Variants in PTPN14 observed in about 807,000 individuals in gnomAD.
The protein encoded by PTPN14 is tyrosine-protein phosphatase non-receptor type 14.
PTPN14 carries 53 observed loss-of-function variants against 126.8 expected under a neutral mutation model. The ratio of observed to expected loss-of-function variants is 0.42; its 90% CI spans 0.34 to 0.53. The LOEUF is 0.53. PTPN14 is among the 20% of genes least tolerant of loss of function. The pLI, the probability that PTPN14 is intolerant of heterozygous loss-of-function variation, is 0.08. For synonymous variants in PTPN14, 630 were observed against 599.3 expected (o/e 1.05, Z -0.75); for missense variants, 1,257 against 1,552.9 (o/e 0.81, Z 3.20).
Position 214,361,967 on chromosome 1 carries a change from G to T in PTPN14, c.3435+2545C>A, listed in dbSNP as rs187647397. Among the ~76,000 whole-genome samples, 4 of 152,288 alleles carry T rather than the reference G, an allele frequency of 2.6e-5. No homozygotes were observed. The East Asian group carries it at 7.7e-4, about 29-fold the overall frequency. ...AGGGACAAGTCCAGGAAAAAGAAAG[G>T]CCATTTCATTGACAGAATTAAAACT... On this transcript the variant is annotated intron_variant, in intron 18 of 18. Transcript: ENST00000366956.
At chr1:214,409,944 A>G (rs559686632) in intron 5 of PTPN14, among the ~76,000 whole-genome samples, 1 of 152,230 alleles carries the variant, frequency 6.6e-6, no homozygotes, top group East Asian at 1.9e-4. Context: ...GGCCTTCTGT[A>G]TATTTCTTTT....
chr1:214,526,258 G>A (rs756878748), intron 1 of PTPN14, among the ~76,000 whole-genome samples: 13 of 152,124 alleles, frequency 8.5e-5, no homozygotes, highest in Non-Finnish European at 1.8e-4. Flanking sequence ...GAGCCACCAC[G>A]CCCGGCCAAG....
chr1:214,503,494 G>C (rs1354389532), intron 1 of PTPN14, among the ~76,000 whole-genome samples: 1 of 152,146 alleles, frequency 6.6e-6, no homozygotes, highest in Non-Finnish European at 1.5e-5. Flanking sequence ...ATTTAAAATA[G>C]AGTTTAAGAA....
At position 214,402,877 on chromosome 1, in the gene PTPN14, C is replaced by G. The variant is rs747169946; in HGVS notation, c.581+6G>C. On this transcript the variant is annotated splice_donor_region_variant and intron_variant, in intron 6 of 18. Coordinates refer to ENST00000366956, the MANE Select transcript of PTPN14 (RefSeq NM_005401.5). ...CAGGCAGCCCCTTACCCTCTGCCTG[C>G]CTTACCTGTGGGCTTTGTGTTCTTG... The G allele has an allele frequency of 1.8e-5, 29 of 1,613,722 alleles. 1 individual carries two copies. The highest frequency in any genetic ancestry group is 2.4e-5 in the Non-Finnish European group (28 of 1,179,918).
chr1:214,370,003 G>A (rs769949597), intron 16 of PTPN14, among the ~76,000 whole-genome samples: 9 of 152,216 alleles, frequency 5.9e-5, no homozygotes, highest in Non-Finnish European at 7.3e-5. Flanking sequence ...AAGGTCAGCC[G>A]GGCGTGGCGG....
At chr1:214,533,546 A>AT (rs900147288) in intron 1 of PTPN14, 1 of 316,866 alleles carries the variant, frequency 3.2e-6, no homozygotes, top group Admixed American at 4.2e-5. Context: ...AAAAAAAAAA[A>AT]AAAGGCTGGG....
intron 3 of PTPN14, among the ~76,000 whole-genome samples, chr1:214,448,345 C>T (rs993210935): frequency 6.6e-6 from 1 of 152,134 alleles, no homozygotes; most frequent in African/African-American, 2.4e-5. Context: ...ATTCTCCTGC[C>T]TCAGACTCCC....
At chr1:214,503,459 C>T (rs1034598520) in intron 1 of PTPN14, among the ~76,000 whole-genome samples, 3 of 152,198 alleles carry the variant, frequency 2.0e-5, no homozygotes, top group Admixed American at 6.5e-5. Flanking sequence ...AATATGTAGA[C>T]GTACATTTGT....
chr1:214,444,036 A>C (rs1215444905), intron 3 of PTPN14, among the ~76,000 whole-genome samples: 5 of 152,226 alleles, frequency 3.3e-5, no homozygotes, highest in Non-Finnish European at 2.9e-5. Context: ...TTACATTCCC[A>C]CTAACTAGCA....
In PTPN14 at chr1:214,383,739, G is replaced by A. The variant is rs753166242; in HGVS notation, c.2116C>T (p.His706Tyr). Residue 706 changes from histidine to tyrosine, a missense_variant, in exon 13 of 19, where the codon CAC becomes TAC. Around this residue, in one of 3 missense-constraint regions of PTPN14, gnomAD observed 1,021 missense variants for 1,183.3 expected, o/e 0.86. Transcript: ENST00000366956. This position sits in a 1 kb window ranked among gnomAD's most constrained non-coding sequence, Gnocchi z 4.4. ...TCCTCCTCCTCACTCTCGCTGCTGTGGATTAGCATAGTGGCATCAGAGAAG... is the reference window on the plus strand; with the variant it reads ...TCCTCCTCCTCACTCTCGCTGCTGTAGATTAGCATAGTGGCATCAGAGAAG... ...KTFSDATMLI[H>Y]SSESEEEEEE... The A allele has an allele frequency of 5.0e-6, 8 of 1,613,410 alleles. No homozygotes were observed. Among genetic ancestry groups the A allele is most frequent in the African/African-American group, 1.3e-5 (1 of 74,950 alleles).
At chr1:214,395,054 G>T in intron 8 of PTPN14, 68 bp from the exon 9 acceptor site, 1 of 1,294,538 alleles carries the variant, frequency 7.7e-7, no homozygotes. Context: ...AGCAGAGGAG[G>T]GCTGTTTGCT....
In PTPN14 at chr1:214,434,492, A is replaced by T. The variant is rs78115782; in HGVS notation, c.344+17313T>A. On this transcript the variant is annotated intron_variant, in intron 3 of 18. Transcript: ENST00000366956. ...TAAAAACTGATGAAAGCAATGAGTAAGTTAACAGAAAGTGAATCAAAAGAA... is the reference window on the plus strand; with the variant it reads ...TAAAAACTGATGAAAGCAATGAGTATGTTAACAGAAAGTGAATCAAAAGAA... Among the ~76,000 whole-genome samples the T allele has an allele frequency of 1.4e-3, 219 of 152,244 alleles. 1 individual carries two copies. Among genetic ancestry groups the T allele is most frequent in the African/African-American group, 5.1e-3 (213 of 41,542 alleles).
intron 18 of PTPN14, among the ~76,000 whole-genome samples, chr1:214,359,380 AT>A (rs772097737): frequency 3.7e-3 from 520 of 138,854 alleles, no homozygotes; most frequent in Middle Eastern, 3.9e-3. Context: ...TGCCTGGCTA[AT>A]TTTTTTTTTT....
chr1:214,363,265 T>C (rs749517490), intron 18 of PTPN14, among the ~76,000 whole-genome samples: 1 of 152,218 alleles, frequency 6.6e-6, no homozygotes, highest in Non-Finnish European at 1.5e-5. Flanking sequence ...TTCATTCCCA[T>C]GGACAGACTG....
chr1:214,404,731 C>T (rs1659122401), intron 5 of PTPN14, among the ~76,000 whole-genome samples: 1 of 152,164 alleles, frequency 6.6e-6, no homozygotes, highest in Non-Finnish European at 1.5e-5. Context: ...AGAATGCATG[C>T]CTGTACACAG....
chr1:214,351,592 A>G lies in PTPN14; in HGVS notation c.*6330T>C, dbSNP rs1657710160. 1 of 152,298 alleles carries G rather than the reference A, an allele frequency of 6.6e-6. No homozygotes were observed. The highest frequency in any genetic ancestry group is 2.1e-4 in the South Asian group (1 of 4,836). 9.4% of individuals were successfully genotyped at this position (152,298 alleles called of 1,614,324 possible). A position where few individuals can be genotyped will look rare whatever the true frequency, so the allele number is the denominator to read the frequency against. On this transcript the variant is annotated 3_prime_UTR_variant, in exon 19 of 19. Coordinates refer to ENST00000366956, the MANE Select transcript of PTPN14 (RefSeq NM_005401.5). ...ACATGGGTAAGCAGAATGCTCTGCT[A>G]ACAAGCAAGGCAAGGAAAGGCTGCC...
chr1:214,382,244 T>A (rs1658490690), intron 13 of PTPN14, among the ~76,000 whole-genome samples: 1 of 152,208 alleles, frequency 6.6e-6, no homozygotes, highest in Admixed American at 6.5e-5. Flanking sequence ...TTCTCATTAG[T>A]AAGAGCAGAT....
At chr1:214,442,803 C>T (rs1034105193) in intron 3 of PTPN14, among the ~76,000 whole-genome samples, 1 of 146,918 alleles carries the variant, frequency 6.8e-6, no homozygotes, top group Non-Finnish European at 1.5e-5. Flanking sequence ...TAGCTAACTA[C>T]CTAACTGCAT....
At chr1:214,406,677 T>C (rs1180121098) in intron 5 of PTPN14, among the ~76,000 whole-genome samples, 1 of 152,196 alleles carries the variant, frequency 6.6e-6, no homozygotes, top group Non-Finnish European at 1.5e-5. Flanking sequence ...ATGAAGTTTA[T>C]GCTGTTTACA....
Sources: allele counts gnomAD v4.1 joint callset (sites outside exome capture counted in the v4.1 genomes callset), GRCh38; gene constraint gnomAD v4.1.1; regional missense constraint gnomAD v4.1.1; non-coding constraint Gnocchi (gnomAD v3.1); transcripts MANE v1.5; gene names NCBI Gene and HGNC (gene_info 2026-07-23, HGNC 2026-07-21).